Variants in ABL1 observed in about 807,000 individuals in gnomAD.
The protein encoded by ABL1 is ABL proto-oncogene 1, non-receptor tyrosine kinase, also known as tyrosine-protein kinase ABL1.
Under a neutral mutation model 94.7 loss-of-function variants are expected in ABL1, and 11 were observed. That is an observed-to-expected ratio of 0.12 (90% CI 0.07 to 0.19). ABL1 has a LOEUF of 0.19. ABL1 is among the 10% of genes least tolerant of loss of function. The pLI, the probability that ABL1 is intolerant of heterozygous loss-of-function variation, is 1.00. For synonymous variants in ABL1, 656 were observed against 622.4 expected, an observed-to-expected ratio of 1.05 and a Z score of -0.80; for missense variants, 1,082 against 1,489.4, an observed-to-expected ratio of 0.73 and a Z score of 4.50.
At chr9:130,733,600 GAC>G (rs1831694330) in intron 1 of ABL1, among the ~76,000 whole-genome samples, 1 of 72,460 alleles carries the variant, frequency 1.4e-5, no homozygotes, top group Non-Finnish European at 2.1e-5. Context: ...TTTTTTTTGA[GAC>G]AGAGTCTCAC....
upstream of ABL1, among the ~76,000 whole-genome samples, chr9:130,834,199 T>C (rs542912960): frequency 1.8e-4 from 27 of 152,336 alleles, 1 homozygote; most frequent in South Asian, 5.0e-3. Context: ...GAAGGTAACA[T>C]GGCACATAGG....
chr9:130,737,983 G>A (rs909045136), intron 1 of ABL1, among the ~76,000 whole-genome samples: 6 of 151,580 alleles, frequency 4.0e-5, no homozygotes, highest in Non-Finnish European at 7.4e-5. Context: ...GATGTGCACC[G>A]CCACACCCAG....
chr9:130,816,613 T>A (rs1830289438), intron 1 of ABL1, among the ~76,000 whole-genome samples: 1 of 152,016 alleles, frequency 6.6e-6, no homozygotes, highest in Non-Finnish European at 1.5e-5. Context: ...AAGTTATCTA[T>A]TTCCAAAACA....
At chr9:130,735,199 T>C (rs1210039989) in intron 1 of ABL1, among the ~76,000 whole-genome samples, 1 of 152,028 alleles carries the variant, frequency 6.6e-6, no homozygotes, top group East Asian at 1.9e-4. Flanking sequence ...CTGGCTAATT[T>C]TTGTATTTTT....
intron 10 of ABL1, among the ~76,000 whole-genome samples, chr9:130,882,971 C>T (rs539294890): frequency 6.6e-6 from 1 of 151,876 alleles, no homozygotes; most frequent in East Asian, 2.0e-4. Flanking sequence ...GGTCAGGCTC[C>T]CGTGGCACAA....
chr9:130,736,981 C>A (rs538645483), intron 1 of ABL1, among the ~76,000 whole-genome samples: 2 of 152,170 alleles, frequency 1.3e-5, no homozygotes, highest in African/African-American at 4.8e-5. Flanking sequence ...TGCCCTATTC[C>A]AAGCTCCAGA....
chr9:130,876,400 A>G (rs889054323), intron 7 of ABL1, among the ~76,000 whole-genome samples: 14 of 136,642 alleles, frequency 1.0e-4, no homozygotes, highest in Non-Finnish European at 1.5e-5. Context: ...TAAAATAACA[A>G]ATTACTTTTT....
At position 130,819,245 on chromosome 9, in the gene ABL1, G is replaced by A. The variant is rs112840192; in HGVS notation, c.137-34819G>A. On this transcript the variant is annotated intron_variant, in intron 1 of 10. Transcript: ENST00000372348. ...CACATGCCTGTAGTCCCAGCTACTC[G>A]GGAGGCTGAGGCAGGAGAATCGCTT... Among the ~76,000 whole-genome samples, 8 of 152,180 alleles carry A rather than the reference G, an allele frequency of 5.3e-5. No individual in the cohort carries two copies. The East Asian group carries it at 1.2e-3, about 22-fold the overall frequency.
chr9:130,742,062 C>T (rs1831827039), intron 1 of ABL1, among the ~76,000 whole-genome samples: 1 of 152,102 alleles, frequency 6.6e-6, no homozygotes, highest in African/African-American at 2.4e-5. Context: ...ACCTTTTGCT[C>T]CACAGACCTA....
chr9:130,858,968 T>A (rs572337567), intron 3 of ABL1, among the ~76,000 whole-genome samples: 23 of 152,156 alleles, frequency 1.5e-4, no homozygotes, highest in Non-Finnish European at 2.9e-4. Context: ...CTGGGAGTTA[T>A]GAGCTGGACT....
chr9:130,775,512 T>TA (rs1490312215), intron 1 of ABL1, among the ~76,000 whole-genome samples: 1 of 152,092 alleles, frequency 6.6e-6, no homozygotes, highest in Non-Finnish European at 1.5e-5. Flanking sequence ...TTTAACAAGT[T>TA]AGACACAACT....
At chr9:130,726,767 C>T (rs766850336) in intron 1 of ABL1, among the ~76,000 whole-genome samples, 21 of 152,194 alleles carry the variant, frequency 1.4e-4, no homozygotes, top group South Asian at 2.1e-4. Flanking sequence ...AGCCACTGCA[C>T]CCAGCCTACT....
chr9:130,744,686 A>G lies in ABL1; in HGVS notation c.136+30231A>G, dbSNP rs944289072. Among the ~76,000 whole-genome samples, 193 of 150,136 alleles carry G rather than the reference A, an allele frequency of 1.3e-3. 1 individual carries two copies. Among genetic ancestry groups the G allele is most frequent in the Non-Finnish European group, 2.2e-3 (149 of 67,540 alleles). On this transcript the variant is annotated intron_variant, in intron 1 of 10. Coordinates refer to the ABL1 transcript ENST00000372348. ...GCTAATGTGATGAAATGCCATCTCT[A>G]CTAAAAATACAAAAAAAAAAATTAG...
At position 130,880,576 on chromosome 9, in the gene ABL1, C is replaced by G. The variant is rs1831434526; in HGVS notation, c.1590C>G (p.Thr530=). The change falls in exon 10 of 11, where the codon ACC becomes ACG. Residue 530 remains threonine, a synonymous_variant. Coordinates refer to ENST00000318560, the MANE Select transcript of ABL1 (RefSeq NM_005157.6). The surrounding 1 kb of genome is among the most constrained non-coding windows in gnomAD (Gnocchi z 4.4). ...STLLQAPELP[T]KTRTSRRAAE... ...TGCTGCAGGCCCCAGAGCTGCCCAC[C>G]AAGACGAGGACCTCCAGGAGAGCTG... 7.4e-6 allele frequency: 12 copies of G among 1,613,986 alleles called. No homozygotes were observed. The highest frequency in any genetic ancestry group is 1.0e-5 in the Non-Finnish European group (12 of 1,179,924).
intron 1 of ABL1, among the ~76,000 whole-genome samples, chr9:130,728,460 A>G (rs1588212766): frequency 6.8e-6 from 1 of 147,818 alleles, no homozygotes; most frequent in East Asian, 2.0e-4. Context: ...ATCTTGGCTC[A>G]CTACAAGCTC....
chr9:130,737,820 C>T (rs1237652057), intron 1 of ABL1, among the ~76,000 whole-genome samples: 1 of 149,582 alleles, frequency 6.7e-6, no homozygotes, highest in Non-Finnish European at 1.5e-5. Context: ...GCCTCTGTCT[C>T]AGAACAGTGT....
chr9:130,768,521 C>T (rs572635654), intron 1 of ABL1, among the ~76,000 whole-genome samples: 6 of 152,288 alleles, frequency 3.9e-5, no homozygotes, highest in African/African-American at 1.4e-4. Flanking sequence ...GAAAGGCCTC[C>T]CCAGAGCCCT....
Position 130,884,560 on chromosome 9 carries a change from G to A in ABL1, c.2270G>A (p.Ser757Asn). ...TCGTCCACATTTGGAGGGCACAAAA[G>A]TGAGAAGCCGGCTCTGCCTCGGAAG... ...FDSSTFGGHK[S>N]EKPALPRKRA... Residue 757 changes from serine (S) to asparagine (N), a missense_variant, in exon 11 of 11, where the codon AGT becomes AAT. By Grantham distance (46) the Ser-to-Asn change is conservative. Coordinates refer to ENST00000318560, the MANE Select transcript of ABL1 (RefSeq NM_005157.6). The surrounding 1 kb of genome is among the most constrained non-coding windows in gnomAD (Gnocchi z 5.6). 1.2e-6 allele frequency: 2 copies of A among 1,613,262 alleles called. No homozygotes were observed. Among genetic ancestry groups the A allele is most frequent in the South Asian group, 2.2e-5 (2 of 91,092 alleles).
At chr9:130,803,953 C>T (rs1026221431) in intron 1 of ABL1, among the ~76,000 whole-genome samples, 4 of 151,922 alleles carry the variant, frequency 2.6e-5, no homozygotes, top group African/African-American at 9.7e-5. Context: ...CCCAGCTACC[C>T]AGGAGACTGA....
Sources: allele counts gnomAD v4.1 joint callset (sites outside exome capture counted in the v4.1 genomes callset), GRCh38; gene constraint gnomAD v4.1.1; non-coding constraint Gnocchi (gnomAD v3.1); transcripts MANE v1.5; gene names NCBI Gene and HGNC (gene_info 2026-07-23, HGNC 2026-07-21).